The following ANO6 variants were observed in gnomAD, a reference collection of about 807,000 sequenced individuals.
ANO6 encodes anoctamin-6.
Under a neutral mutation model 117.5 loss-of-function variants are expected in ANO6, and 106 were observed. That is an observed-to-expected ratio of 0.90 (90% CI 0.77 to 1.06). The LOEUF is 1.06. Among genes scored for constraint, ANO6 ranks in the 50% least tolerant of loss-of-function variants. The probability of loss-of-function intolerance (pLI) is 0.00; values close to 1 mark genes in which losing one functional copy is unlikely to be tolerated. For synonymous variants in ANO6, 367 were observed against 385.1 expected (o/e 0.95, Z 0.55); for missense variants, 955 against 1,121.1 (o/e 0.85, Z 2.12).
In ANO6 at chr12:45,403,528, A is replaced by G. The variant is rs776363904; in HGVS notation, c.1872A>G (p.Val624=). The change falls in exon 15 of 20, where the codon GTA becomes GTG. Residue 624 remains valine, a synonymous_variant. Transcript: ENST00000320560. The part of the protein sequence containing the change: ...GKAIWNNIQE[V]LLPWIMNLIG... ...CAATCTGGAATAACATACAAGAAGT[A>G]TTATTGCCGTGAGTGTTAAATTGTA... 6.2e-7 allele frequency: 1 copy of G among 1,610,834 alleles called. No homozygotes were observed. The highest frequency in any genetic ancestry group is 8.5e-7 in the Non-Finnish European group (1 of 1,177,136).
At chr12:45,301,976 T>G (rs1939504902) in intron 1 of ANO6, 38 bp from the exon 2 acceptor site, 2 of 1,576,782 alleles carry the variant, frequency 1.3e-6, no homozygotes, top group Admixed American at 3.3e-5. Flanking sequence ...CCAGTGCAGG[T>G]TCATGCTTCA....
At chr12:45,356,696 C>G (rs1358292270) in intron 7 of ANO6, among the ~76,000 whole-genome samples, 2 of 151,956 alleles carry the variant, frequency 1.3e-5, no homozygotes, top group African/African-American at 4.8e-5. Flanking sequence ...GTTATTCTTG[C>G]TGTCTCAGGG....
intron 1 of ANO6, among the ~76,000 whole-genome samples, chr12:45,267,909 A>G (rs1938272599): frequency 6.6e-6 from 1 of 152,234 alleles, no homozygotes; most frequent in South Asian, 2.1e-4. Flanking sequence ...GGGTACAGGT[A>G]TATGAAAAGA....
chr12:45,399,158 C>T (rs1464246703), intron 12 of ANO6, among the ~76,000 whole-genome samples: 3 of 152,088 alleles, frequency 2.0e-5, no homozygotes, highest in Admixed American at 6.6e-5. Context: ...TTTCAGATGT[C>T]ACATCTTCCA....
At chr12:45,307,949 A>C (rs1423566777) in intron 2 of ANO6, among the ~76,000 whole-genome samples, 1 of 151,756 alleles carries the variant, frequency 6.6e-6, no homozygotes, top group Non-Finnish European at 1.5e-5. Context: ...TAGAATCCAA[A>C]CCTTATTAGA....
chr12:45,430,560 C>CA lies in ANO6; in HGVS notation c.*1250dup. 1 of 985,388 alleles carries CA rather than the reference C, an allele frequency of 1.0e-6. No individual in the cohort carries two copies. Among genetic ancestry groups the CA allele is most frequent in the Non-Finnish European group, 1.2e-6 (1 of 829,922 alleles). The allele number at this position is 985,388 out of a possible 1,614,324, so 61.0% of individuals were successfully genotyped here. A position where few individuals can be genotyped will look rare whatever the true frequency, so the allele number is the denominator to read the frequency against. ...ATTGTACTAGAGACAGGAGTATACCCAGCTTATTCATAATCAAGTAAAGAG... is the reference window on the plus strand; with the variant it reads ...ATTGTACTAGAGACAGGAGTATACCCAAGCTTATTCATAATCAAGTAAAGAG... On this transcript the variant is annotated 3_prime_UTR_variant, in exon 20 of 20. Transcript: ENST00000320560.
intron 19 of ANO6, among the ~76,000 whole-genome samples, chr12:45,427,446 T>C (rs1297511822): frequency 1.3e-5 from 2 of 152,170 alleles, no homozygotes; most frequent in Non-Finnish European, 2.9e-5. Flanking sequence ...TTACCTAGAA[T>C]GTCTTTTCTT....
chr12:45,358,286 G>A lies in ANO6; in HGVS notation c.998+862G>A, dbSNP rs116922932. Among the ~76,000 whole-genome samples the A allele has an allele frequency of 5.7e-3, 864 of 152,266 alleles. 4 individuals are homozygous for A. Among genetic ancestry groups the A allele is most frequent in the Non-Finnish European group, 9.4e-3 (637 of 68,014 alleles). ...AGCCCTGATGGATAGACATAATTACGCTTCGATTTAACAGAGGATTCTGAG... is the reference window on the plus strand; with the variant it reads ...AGCCCTGATGGATAGACATAATTACACTTCGATTTAACAGAGGATTCTGAG... On this transcript the variant is annotated intron_variant, in intron 8 of 19. Coordinates refer to ENST00000320560, the MANE Select transcript of ANO6 (RefSeq NM_001025356.3).
downstream of ANO6, among the ~76,000 whole-genome samples, chr12:45,432,775 T>G (rs1328702431): frequency 6.6e-6 from 1 of 152,210 alleles, no homozygotes; most frequent in Non-Finnish European, 1.5e-5. Context: ...ACTAGAAACG[T>G]CTTTCTCTTG....
intron 2 of ANO6, among the ~76,000 whole-genome samples, chr12:45,329,843 G>T (rs986674420): frequency 5.9e-5 from 9 of 152,018 alleles, no homozygotes; most frequent in African/African-American, 2.2e-4. Flanking sequence ...GAAAGTAAGA[G>T]AAATTGAATG....
chr12:45,242,286 A>G (rs1229430241), intron 1 of ANO6, among the ~76,000 whole-genome samples: 1 of 152,202 alleles, frequency 6.6e-6, no homozygotes, highest in African/African-American at 2.4e-5. Flanking sequence ...GCAATGGCAG[A>G]CACCCCTTCC....
intron 11 of ANO6, among the ~76,000 whole-genome samples, chr12:45,388,944 T>C (rs1435572689): frequency 6.6e-6 from 1 of 152,230 alleles, no homozygotes; most frequent in Non-Finnish European, 1.5e-5. Flanking sequence ...TCTGTATAAA[T>C]ATTCCAAAGT....
At chr12:45,421,471 A>AATGTATATATATATGTATATAT (rs1196152368) in intron 18 of ANO6, among the ~76,000 whole-genome samples, 198 bp downstream of exon 18, 2 of 152,200 alleles carry the variant, frequency 1.3e-5, no homozygotes, top group African/African-American at 2.4e-5. Flanking sequence ...AAACTCAGAA[A>AATGTATATATATATGTATATAT]ATGTATATAT....
Position 45,378,112 on chromosome 12 carries a change from G to A in ANO6, c.1164G>A (p.Trp388Ter). 1.9e-6 allele frequency: 3 copies of A among 1,607,362 alleles called. No homozygotes were observed. The highest frequency in any genetic ancestry group is 2.2e-5 in the South Asian group (2 of 89,288). Residue 388 changes from tryptophan to a stop codon, truncating the protein, a stop_gained and splice_region_variant, in exon 10 of 20, where the codon TGG becomes TGA. Coordinates refer to ENST00000320560, the MANE Select transcript of ANO6 (RefSeq NM_001025356.3). LOFTEE classifies it high-confidence loss of function. ...TLVFAVFMGV[W>*]VTLFLEFWKR... Reference sequence around the variant, plus strand: ...TCTTTGCAGTATTTATGGGAGTATGGGGTAAGTTTTTTTTTTTTTTTTCAT... The same window carrying A: ...TCTTTGCAGTATTTATGGGAGTATGAGGTAAGTTTTTTTTTTTTTTTTCAT...
At chr12:45,258,030 A>G (rs562623860) in intron 1 of ANO6, among the ~76,000 whole-genome samples, 1 of 152,348 alleles carries the variant, frequency 6.6e-6, no homozygotes, top group Non-Finnish European at 1.5e-5. Context: ...TATAAATTAA[A>G]CACATGAGAA....
intron 1 of ANO6, among the ~76,000 whole-genome samples, chr12:45,232,984 C>T (rs927754893): frequency 2.0e-5 from 3 of 152,172 alleles, no homozygotes; most frequent in African/African-American, 7.2e-5. Context: ...CCCTGCACTC[C>T]ATCTTTTCCT....
intron 9 of ANO6, among the ~76,000 whole-genome samples, chr12:45,371,211 C>T (rs1408217794): frequency 2.4e-4 from 36 of 152,196 alleles, no homozygotes; most frequent in Admixed American, 3.9e-4. Context: ...GAGGGTCCTA[C>T]GCCCATGGAG....
intron 3 of ANO6, among the ~76,000 whole-genome samples, chr12:45,344,857 C>CAAGA (rs1417327575): frequency 8.5e-5 from 13 of 152,100 alleles, no homozygotes; most frequent in African/African-American, 3.1e-4. Context: ...AGTCAACTTT[C>CAAGA]AAGTTCAAGT....
At chr12:45,254,482 A>T (rs1331243542) in intron 1 of ANO6, among the ~76,000 whole-genome samples, 2 of 152,246 alleles carry the variant, frequency 1.3e-5, no homozygotes, top group African/African-American at 4.8e-5. Flanking sequence ...CCTAGAAGAC[A>T]GGACTGCAGA....
Sources: allele counts gnomAD v4.1 joint callset (sites outside exome capture counted in the v4.1 genomes callset), GRCh38; gene constraint gnomAD v4.1.1; transcripts MANE v1.5; gene names NCBI Gene and HGNC (gene_info 2026-07-23, HGNC 2026-07-21).